Variants in SLC2A13 observed in about 807,000 individuals in gnomAD.
The protein encoded by SLC2A13 is solute carrier family 2 member 13.
Under a neutral mutation model 64.4 loss-of-function variants are expected in SLC2A13, and 32 were observed. The observed-to-expected ratio is 0.50, with a 90% CI of 0.37 to 0.67. SLC2A13 has a LOEUF of 0.67. Ranked by LOEUF, SLC2A13 falls within the 30% of genes least tolerant of loss-of-function variation. The pLI, the probability that SLC2A13 is intolerant of heterozygous loss-of-function variation, is 0.00. For missense variants in SLC2A13, 743 were observed against 829.2 expected (o/e 0.90, Z 1.28); for synonymous variants, 338 against 327.1 (o/e 1.03, Z -0.36).
In SLC2A13 at chr12:40,098,040, T is replaced by A. The variant is rs138267020; in HGVS notation, c.556+7213A>T. Among the ~76,000 whole-genome samples the A allele has an allele frequency of 4.4e-3, 664 of 150,940 alleles. 28 individuals are homozygous for A. The East Asian group carries it at 0.098, about 22-fold the overall frequency. ...ATATGTGTATATGTATGTATATATG[T>A]ATATATGTGTATATATGTATATATG... is the stretch of plus-strand genomic sequence containing the variant. On this transcript the variant is annotated intron_variant, in intron 1 of 9. Coordinates refer to ENST00000280871, the MANE Select transcript of SLC2A13 (RefSeq NM_052885.4).
At chr12:39,928,517 T>A (rs1592290681) in intron 4 of SLC2A13, among the ~76,000 whole-genome samples, 2 of 152,242 alleles carry the variant, frequency 1.3e-5, no homozygotes, top group Middle Eastern at 6.8e-3. Flanking sequence ...TCTTAAAAAA[T>A]TAAGGATATT....
At chr12:39,890,061 T>C (rs1237508967) in intron 4 of SLC2A13, among the ~76,000 whole-genome samples, 3 of 152,150 alleles carry the variant, frequency 2.0e-5, no homozygotes, top group Non-Finnish European at 4.4e-5. Context: ...AACCCGATAA[T>C]CTGTAAAATA....
At position 39,896,373 on chromosome 12, in the gene SLC2A13, CATAT is replaced by C. The variant is rs369039186; in HGVS notation, c.1035-24416_1035-24413del. Among the ~76,000 whole-genome samples, 261 of 105,560 alleles carry C rather than the reference CATAT, an allele frequency of 2.5e-3. 5 individuals are homozygous for C. Among genetic ancestry groups the C allele is most frequent in the Admixed American group, 3.8e-3 (40 of 10,410 alleles). 69.3% of individuals were successfully genotyped at this position (105,560 alleles called of 152,430 possible). On this transcript the variant is annotated intron_variant, in intron 4 of 9. Transcript: ENST00000280871. ...GTATGTATATGTGTATATATGTATA[CATAT>C]ATGTATGTATATGTGTATATATGTA...
chr12:39,775,000 C>G (rs1196385560), intron 7 of SLC2A13, among the ~76,000 whole-genome samples: 4 of 152,148 alleles, frequency 2.6e-5, no homozygotes, highest in African/African-American at 9.7e-5. Flanking sequence ...AGAAATTTGG[C>G]AATTTGAACA....
At chr12:39,971,416 TA>T (rs1375312174) in intron 3 of SLC2A13, among the ~76,000 whole-genome samples, 4 of 152,230 alleles carry the variant, frequency 2.6e-5, no homozygotes, top group Non-Finnish European at 4.4e-5. Flanking sequence ...TATTAAGGTC[TA>T]ACATTAGAAA....
At position 40,103,980 on chromosome 12, in the gene SLC2A13, A is replaced by C. The variant is rs139423348; in HGVS notation, c.556+1273T>G. The stretch of plus-strand genomic sequence containing the variant: ...GAAGGTCACTACTGACAAACTTTGA[A>C]TATAAAGTGCAGTGAGCTGGGTTTT... On this transcript the variant is annotated intron_variant, in intron 1 of 9. Transcript: ENST00000280871. Among the ~76,000 whole-genome samples, 15 of 152,356 alleles carry C rather than the reference A, an allele frequency of 9.8e-5. No individual in the cohort carries two copies. In the East Asian group the frequency reaches 2.5e-3, roughly 25 times the overall value.
chr12:39,832,835 A>G (rs1942894470), intron 6 of SLC2A13, among the ~76,000 whole-genome samples: 1 of 152,024 alleles, frequency 6.6e-6, no homozygotes, highest in East Asian at 1.9e-4. Flanking sequence ...CTAGCCCTAT[A>G]TGAATGCAAA....
intron 6 of SLC2A13, among the ~76,000 whole-genome samples, chr12:39,862,962 A>G (rs1025616466): frequency 6.6e-6 from 1 of 152,202 alleles, no homozygotes; most frequent in Non-Finnish European, 1.5e-5. Flanking sequence ...ATAAAAACCC[A>G]GTAAGCGGAC....
At chr12:39,821,076 C>T (rs1451952324) in intron 7 of SLC2A13, among the ~76,000 whole-genome samples, 1 of 151,982 alleles carries the variant, frequency 6.6e-6, no homozygotes, top group Admixed American at 6.6e-5. Context: ...TTTCACTGCC[C>T]TGTACTATTA....
intron 4 of SLC2A13, among the ~76,000 whole-genome samples, chr12:39,923,384 C>T (rs542289095): frequency 1.6e-4 from 25 of 152,162 alleles, no homozygotes; most frequent in African/African-American, 5.1e-4. Flanking sequence ...ATTATGCTAA[C>T]TCAAATAAAC....
At chr12:39,942,002 C>T (rs1231708795) in intron 4 of SLC2A13, among the ~76,000 whole-genome samples, 1 of 152,082 alleles carries the variant, frequency 6.6e-6, no homozygotes, top group Non-Finnish European at 1.5e-5. Context: ...TTTGCATTGT[C>T]GAAGATCAGT....
chr12:39,864,448 A>T (rs1053106158), intron 6 of SLC2A13, among the ~76,000 whole-genome samples: 3 of 152,236 alleles, frequency 2.0e-5, no homozygotes, highest in African/African-American at 7.2e-5. Context: ...ACTGAATTGT[A>T]TATGATCTAA....
chr12:40,101,791 A>C (rs1466109458), intron 1 of SLC2A13, among the ~76,000 whole-genome samples: 1 of 151,680 alleles, frequency 6.6e-6, no homozygotes, highest in Non-Finnish European at 1.5e-5. Flanking sequence ...TTAAATGCCC[A>C]GTAGGGTAAC....
At chr12:40,011,575 T>C (rs1565589242) in intron 3 of SLC2A13, among the ~76,000 whole-genome samples, 1 of 152,172 alleles carries the variant, frequency 6.6e-6, no homozygotes, top group Non-Finnish European at 1.5e-5. Context: ...ATCATAAACA[T>C]GCATAAATGA....
chr12:39,765,206 G>A (rs1382007272), intron 7 of SLC2A13, among the ~76,000 whole-genome samples: 2 of 152,014 alleles, frequency 1.3e-5, no homozygotes, highest in African/African-American at 4.8e-5. Context: ...ATCATGACAA[G>A]ATTCAAATTT....
At chr12:40,004,767 A>T (rs1947384935) in intron 3 of SLC2A13, among the ~76,000 whole-genome samples, 1 of 152,184 alleles carries the variant, frequency 6.6e-6, no homozygotes, top group African/African-American at 2.4e-5. Context: ...AATAACACAA[A>T]CAGTTGATTA....
intron 7 of SLC2A13, among the ~76,000 whole-genome samples, chr12:39,827,372 C>T (rs1239092053): frequency 6.6e-6 from 1 of 152,104 alleles, no homozygotes; most frequent in African/African-American, 2.4e-5. Context: ...CCAGTCTAGC[C>T]AGATTTTTTC....
At chr12:39,852,272 A>C (rs1341541986) in intron 6 of SLC2A13, among the ~76,000 whole-genome samples, 1 of 152,184 alleles carries the variant, frequency 6.6e-6, no homozygotes, top group East Asian at 1.9e-4. Flanking sequence ...TGTTCTGAGA[A>C]ATGCTGGTCA....
intron 6 of SLC2A13, among the ~76,000 whole-genome samples, chr12:39,838,722 G>C (rs552511500): frequency 6.6e-6 from 1 of 152,072 alleles, no homozygotes; most frequent in African/African-American, 2.4e-5. Flanking sequence ...TGGCACCCAG[G>C]GTCTTGGCCA....
Sources: allele counts gnomAD v4.1 joint callset (sites outside exome capture counted in the v4.1 genomes callset), GRCh38; gene constraint gnomAD v4.1.1; transcripts MANE v1.5; gene names NCBI Gene and HGNC (gene_info 2026-07-23, HGNC 2026-07-21).